PRKAA2: variants seen among roughly 807,000 people sequenced by gnomAD.
PRKAA2 encodes the protein 5'-AMP-activated protein kinase catalytic subunit alpha-2.
PRKAA2 carries 40 observed loss-of-function variants against 56.3 expected under a neutral mutation model. The ratio of observed to expected loss-of-function variants is 0.71; its 90% CI spans 0.55 to 0.92. The LOEUF (loss-of-function observed/expected upper bound fraction) is 0.92, where lower values mean the gene tolerates loss of function less well. Among genes scored for constraint, PRKAA2 ranks in the 40% least tolerant of loss-of-function variants. PRKAA2 has a pLI of 0.00. For missense variants in PRKAA2, 542 were observed against 686.9 expected (o/e 0.79, Z 2.36); for synonymous variants, 214 against 234.2 (o/e 0.91, Z 0.79).
rs551471700 is a variant in PRKAA2 at position 56,712,025 on chromosome 1, A to T, written c.*4312A>T. On this transcript the variant is annotated 3_prime_UTR_variant, in exon 9 of 9. Transcript: ENST00000371244. The stretch of plus-strand genomic sequence containing the variant: ...ACATCCATTTGGCATGAAGCAAAGC[A>T]TTACAAATTTGGAGTGATGAAAGTG... 82 of 152,308 alleles carry T rather than the reference A, an allele frequency of 5.4e-4. No homozygotes were observed. The highest frequency in any genetic ancestry group is 1.9e-3 in the African/African-American group (77 of 41,580). 9.4% of individuals were successfully genotyped at this position (152,308 alleles called of 1,614,324 possible).
chr1:56,688,088 A>G (rs1644204631), intron 2 of PRKAA2, among the ~76,000 whole-genome samples: 1 of 152,172 alleles, frequency 6.6e-6, no homozygotes, highest in Non-Finnish European at 1.5e-5. Context: ...AGCACAAGAG[A>G]TTTGACTTAC....
chr1:56,672,009 C>T (rs1391854057), intron 1 of PRKAA2, among the ~76,000 whole-genome samples: 1 of 152,168 alleles, frequency 6.6e-6, no homozygotes, highest in East Asian at 1.9e-4. Context: ...GAGATTATAT[C>T]AGTTGACTTT....
intron 2 of PRKAA2, among the ~76,000 whole-genome samples, chr1:56,685,867 GA>G (rs1644187587): frequency 6.6e-6 from 1 of 152,118 alleles, no homozygotes; most frequent in African/African-American, 2.4e-5. Flanking sequence ...ACAATATATT[GA>G]TTGTGTTTGT....
chr1:56,694,588 A>G (rs781179939), intron 5 of PRKAA2, among the ~76,000 whole-genome samples: 4 of 152,124 alleles, frequency 2.6e-5, no homozygotes, highest in Non-Finnish European at 1.5e-5. Context: ...AAGATTTGGT[A>G]TCTGGTGAGG....
At position 56,650,576 on chromosome 1, in the gene PRKAA2, T is replaced by C. The variant is rs189105325; in HGVS notation, c.94+5095T>C. ...GAAGAAACAAAATTATAGTGCTAAT[T>C]ATTTATTTAAAAAGAAGCCTGCATT... On this transcript the variant is annotated intron_variant, in intron 1 of 8. Transcript: ENST00000371244. Among the ~76,000 whole-genome samples the C allele has an allele frequency of 4.6e-3, 703 of 152,316 alleles. 4 individuals are homozygous for C. The highest frequency in any genetic ancestry group is 8.3e-3 in the Non-Finnish European group (562 of 68,024).
At chr1:56,662,023 C>A (rs1408618309) in intron 1 of PRKAA2, among the ~76,000 whole-genome samples, 8 of 151,986 alleles carry the variant, frequency 5.3e-5, no homozygotes, top group African/African-American at 1.7e-4. Context: ...TGTGTGAAAT[C>A]ATTCTTCAGG....
At chr1:56,687,866 T>C (rs1011425636) in intron 2 of PRKAA2, among the ~76,000 whole-genome samples, 2 of 152,208 alleles carry the variant, frequency 1.3e-5, no homozygotes, top group African/African-American at 2.4e-5. Flanking sequence ...ATGTGGCTAT[T>C]TCCTAAAAAT....
At chr1:56,666,582 A>AT (rs1644037660) in intron 1 of PRKAA2, among the ~76,000 whole-genome samples, 1 of 152,226 alleles carries the variant, frequency 6.6e-6, no homozygotes, top group Non-Finnish European at 1.5e-5. Flanking sequence ...TCCATTGAAT[A>AT]CAGTTCAACT....
At chr1:56,702,100 T>G (rs1644298554) in intron 6 of PRKAA2, among the ~76,000 whole-genome samples, 1 of 151,652 alleles carries the variant, frequency 6.6e-6, no homozygotes, top group African/African-American at 2.4e-5. Flanking sequence ...TTTTTTTTTT[T>G]GAGATGGAGT....
At chr1:56,699,877 C>T (rs189387490) in intron 6 of PRKAA2, among the ~76,000 whole-genome samples, 1 of 152,312 alleles carries the variant, frequency 6.6e-6, no homozygotes, top group East Asian at 1.9e-4. Flanking sequence ...TGGCATCTAT[C>T]ATTTAGCATA....
intron 2 of PRKAA2, among the ~76,000 whole-genome samples, chr1:56,679,219 T>A (rs1037839664): frequency 7.2e-5 from 11 of 152,204 alleles, no homozygotes; most frequent in African/African-American, 2.7e-4. Flanking sequence ...TGTAATTTTC[T>A]TAGTGAACCC....
At chr1:56,698,731 T>C (rs72668325) in intron 6 of PRKAA2, among the ~76,000 whole-genome samples, 4,444 of 152,308 alleles carry the variant, frequency 0.029, 123 homozygotes, top group East Asian at 0.12. Context: ...ATTATTTTCT[T>C]GTAAGATAGC....
At chr1:56,646,833 A>G (rs926577445) in intron 1 of PRKAA2, among the ~76,000 whole-genome samples, 1 of 152,212 alleles carries the variant, frequency 6.6e-6, no homozygotes, top group Non-Finnish European at 1.5e-5. Context: ...ATACTCATTC[A>G]TGTGTTCAAA....
chr1:56,700,953 A>G (rs1335407154), intron 6 of PRKAA2, among the ~76,000 whole-genome samples: 4 of 152,158 alleles, frequency 2.6e-5, no homozygotes, highest in African/African-American at 9.7e-5. Context: ...AAAGCCACAA[A>G]TCTCACCTTT....
At chr1:56,648,036 A>C (rs1646657785) in intron 1 of PRKAA2, among the ~76,000 whole-genome samples, 1 of 152,058 alleles carries the variant, frequency 6.6e-6, no homozygotes, top group East Asian at 1.9e-4. Flanking sequence ...TCTCAAAAAA[A>C]AAAAAAGAAA....
In PRKAA2 at chr1:56,645,666, G is replaced by C. The variant is rs530137147; in HGVS notation, c.94+185G>C. The stretch of plus-strand genomic sequence containing the variant: ...CGCCTCGCCTGGCACCGGCGCCCGG[G>C]CCCCACAGGGTCCAGGGAAGAGGGC... On this transcript the variant is annotated intron_variant, in intron 1 of 8. Transcript: ENST00000371244. Among the ~76,000 whole-genome samples the C allele has an allele frequency of 4.5e-3, 678 of 152,090 alleles. 3 individuals carry two copies. The highest frequency in any genetic ancestry group is 7.9e-3 in the Non-Finnish European group (539 of 67,946).
At chr1:56,696,528 AGTGTGTC>A (rs1233379871) in intron 6 of PRKAA2, among the ~76,000 whole-genome samples, 1 of 151,740 alleles carries the variant, frequency 6.6e-6, no homozygotes, top group Non-Finnish European at 1.5e-5. Flanking sequence ...GTTATTTCTC[AGTGTGTC>A]TTTTTTCTCT....
chr1:56,692,337 A>C, intron 3 of PRKAA2, 21 bp from the exon 4 acceptor site: 1 of 1,613,502 alleles, frequency 6.2e-7, no homozygotes, highest in Non-Finnish European at 8.5e-7. Context: ...TTCTTAATGC[A>C]GTTTCTTTTG....
intron 1 of PRKAA2, among the ~76,000 whole-genome samples, chr1:56,665,909 G>A (rs1223211660): frequency 6.6e-6 from 1 of 152,098 alleles, no homozygotes; most frequent in Non-Finnish European, 1.5e-5. Context: ...CTAAATTGTA[G>A]TTCTGGTGCT....
Sources: allele counts gnomAD v4.1 joint callset (sites outside exome capture counted in the v4.1 genomes callset), GRCh38; gene constraint gnomAD v4.1.1; transcripts MANE v1.5; gene names NCBI Gene and HGNC (gene_info 2026-07-23, HGNC 2026-07-21).